Variants in SLC5A7 observed in about 807,000 individuals in gnomAD.
SLC5A7 encodes solute carrier family 5 member 7.
A neutral mutation model predicts 55.4 loss-of-function variants in SLC5A7; 19 were observed. That is an observed-to-expected ratio of 0.34 (90% confidence interval 0.24 to 0.50). The LOEUF (loss-of-function observed/expected upper bound fraction) is 0.50, where lower values mean the gene tolerates loss of function less well. Ranked by LOEUF, SLC5A7 falls within the 20% of genes least tolerant of loss-of-function variation. The pLI, the probability that SLC5A7 is intolerant of heterozygous loss-of-function variation, is 0.98. For missense variants in SLC5A7, 506 were observed against 705.3 expected, an observed-to-expected ratio of 0.72 and a Z score of 3.20; for synonymous variants, 265 against 263.7, an observed-to-expected ratio of 1.00 and a Z score of -0.05.
intron 8 of SLC5A7, among the ~76,000 whole-genome samples, chr2:108,009,654 T>C (rs1452478132): frequency 6.6e-6 from 1 of 152,228 alleles, no homozygotes; most frequent in Non-Finnish European, 1.5e-5. Flanking sequence ...TTCCTTTTTA[T>C]GGCCACATAG....
intron 6 of SLC5A7, 25 bp downstream of exon 6, chr2:108,002,065 ATG>A (rs779619006): frequency 1.0e-4 from 165 of 1,588,476 alleles, no homozygotes; most frequent in Non-Finnish European, 1.4e-4. Flanking sequence ...TACCTGAAGA[ATG>A]TGATTTAATT....
chr2:107,995,134 C>T (rs539083596), intron 4 of SLC5A7, among the ~76,000 whole-genome samples: 1 of 152,222 alleles, frequency 6.6e-6, no homozygotes, highest in South Asian at 2.1e-4. Context: ...GTTGGTAGCG[C>T]CTACTACACA....
intron 2 of SLC5A7, among the ~76,000 whole-genome samples, chr2:107,990,875 C>T (rs908216320): frequency 6.6e-6 from 1 of 152,120 alleles, no homozygotes; most frequent in African/African-American, 2.4e-5. Flanking sequence ...GAAAATTCAT[C>T]AGAGTTAAAT....
rs1439652757 is a variant in SLC5A7 at position 107,986,737 on chromosome 2, C to A, written c.-78C>A. The A allele has an allele frequency of 6.6e-6, 1 of 152,520 alleles. No homozygotes were observed. The highest frequency in any genetic ancestry group is 1.5e-5 in the Non-Finnish European group (1 of 68,336). The allele number at this position is 152,520 out of a possible 1,614,324, so 9.4% of individuals were successfully genotyped here. On this transcript the variant is annotated 5_prime_UTR_variant, in exon 1 of 9. Coordinates refer to ENST00000264047, the MANE Select transcript of SLC5A7 (RefSeq NM_021815.5). Reference sequence around the variant, plus strand: ...CAGGGGGCGGCGGCCCCGGGCGGAGCGCTTTCGCGTGCAGCCACCACTCCA... The same window carrying A: ...CAGGGGGCGGCGGCCCCGGGCGGAGAGCTTTCGCGTGCAGCCACCACTCCA...
chr2:108,001,478 C>G (rs371487100), intron 5 of SLC5A7, among the ~76,000 whole-genome samples: 1 of 151,636 alleles, frequency 6.6e-6, no homozygotes, highest in African/African-American at 2.4e-5. Flanking sequence ...TCGAGACCAT[C>G]CCGGCTATAA....
chr2:108,000,136 C>T (rs1221112088), intron 5 of SLC5A7, among the ~76,000 whole-genome samples: 1 of 152,166 alleles, frequency 6.6e-6, no homozygotes, highest in African/African-American at 2.4e-5. Context: ...AAGCCTGTCA[C>T]CAACAGATGT....
intron 5 of SLC5A7, among the ~76,000 whole-genome samples, chr2:108,000,850 C>T (rs1677860972): frequency 6.6e-6 from 1 of 152,038 alleles, no homozygotes; most frequent in Admixed American, 6.6e-5. Flanking sequence ...CCAGTTAGGC[C>T]TCCCAAAGTC....
At position 107,992,612 on chromosome 2, in the gene SLC5A7, T is replaced by G. The variant is rs1281378720; in HGVS notation, c.293-360T>G. On this transcript the variant is annotated intron_variant, in intron 3 of 8. Transcript: ENST00000264047. ...TATATAACAGAAGGTACCTCATTTT[T>G]GGGGCACTCAAAAGGCTTTTATTGA... Among the ~76,000 whole-genome samples, 9 of 152,302 alleles carry G rather than the reference T, an allele frequency of 5.9e-5. No homozygotes were observed. In the East Asian group the frequency reaches 7.7e-4, roughly 13 times the overall value.
intron 5 of SLC5A7, 95 bp downstream of exon 5, chr2:107,998,081 C>G: frequency 7.9e-7 from 1 of 1,258,796 alleles, no homozygotes; most frequent in Non-Finnish European, 1.1e-6. Flanking sequence ...ATATTATTTT[C>G]CCTCATGAGT....
chr2:107,991,616 C>T (rs534711570), intron 2 of SLC5A7, among the ~76,000 whole-genome samples: 5 of 152,130 alleles, frequency 3.3e-5, no homozygotes, highest in East Asian at 1.9e-4. Context: ...CACACATGTA[C>T]GTACACATGC....
chr2:108,005,037 A>G (rs1678050713), intron 6 of SLC5A7, among the ~76,000 whole-genome samples: 1 of 152,248 alleles, frequency 6.6e-6, no homozygotes, highest in Admixed American at 6.5e-5. Context: ...ATAGGTATGT[A>G]TATCTATCAG....
rs546950782 is a variant in SLC5A7 at position 108,012,683 on chromosome 2, T to G, written c.*1822T>G. 1.3e-5 allele frequency: 2 copies of G among 152,160 alleles called. No homozygotes were observed. Among genetic ancestry groups the G allele is most frequent in the African/African-American group, 2.4e-5 (1 of 41,450 alleles). The allele number at this position is 152,160 out of a possible 1,614,324, so 9.4% of individuals were successfully genotyped here. A position where few individuals can be genotyped will look rare whatever the true frequency, so the allele number is the denominator to read the frequency against. On this transcript the variant is annotated 3_prime_UTR_variant, in exon 9 of 9. Coordinates refer to ENST00000264047, the MANE Select transcript of SLC5A7 (RefSeq NM_021815.5). Reference sequence around the variant, plus strand: ...GAAAAGAGAATTACTTATATTCATCTATTTTCTCAGAATCTATTCAGTACC... The same window carrying G: ...GAAAAGAGAATTACTTATATTCATCGATTTTCTCAGAATCTATTCAGTACC...
intron 6 of SLC5A7, 136 bp from the exon 7 acceptor site, chr2:108,005,913 G>T: frequency 1.1e-6 from 1 of 952,094 alleles, no homozygotes; most frequent in Non-Finnish European, 1.5e-6. Context: ...GATACTAATT[G>T]ATATTTGTGG....
intron 2 of SLC5A7, among the ~76,000 whole-genome samples, chr2:107,988,809 T>C (rs1677339731): frequency 6.6e-6 from 1 of 152,212 alleles, no homozygotes; most frequent in South Asian, 2.1e-4. Flanking sequence ...ATAAATAAAT[T>C]TGGGGGTGAT....
In SLC5A7 at chr2:108,011,761, G is replaced by T. The variant is rs543464354; in HGVS notation, c.*900G>T. On this transcript the variant is annotated 3_prime_UTR_variant, in exon 9 of 9. Coordinates refer to ENST00000264047, the MANE Select transcript of SLC5A7 (RefSeq NM_021815.5). ...GAAATTAGGCCTTATGTAAGGAGAG[G>T]TAGCTACACAGCATCTGTTACGGTT... The T allele has an allele frequency of 3.7e-4, 56 of 152,138 alleles. No individual in the cohort carries two copies. Among genetic ancestry groups the T allele is most frequent in the African/African-American group, 1.3e-3 (52 of 41,532 alleles). The allele number at this position is 152,138 out of a possible 1,614,324, so 9.4% of individuals were successfully genotyped here. A position where few individuals can be genotyped will look rare whatever the true frequency, so the allele number is the denominator to read the frequency against.
At chr2:108,002,651 C>T (rs1402440734) in intron 6 of SLC5A7, among the ~76,000 whole-genome samples, 1 of 152,072 alleles carries the variant, frequency 6.6e-6, no homozygotes, top group Admixed American at 6.5e-5. Context: ...GAAGAACTGA[C>T]CAGATTTTAC....
At position 108,002,014 on chromosome 2, in the gene SLC5A7, T is replaced by C. The variant is rs1677928979; in HGVS notation, c.715T>C (p.Ser239Pro). 2 of 1,614,182 alleles carry C rather than the reference T, an allele frequency of 1.2e-6. No individual in the cohort carries two copies. The highest frequency in any genetic ancestry group is 1.7e-6 in the Non-Finnish European group (2 of 1,179,998). ...AACTGTTGACTCATCTGAAGTCTAC[T>C]CTTGGCTTGATAGTTTTCTGTTGTT... The part of the protein sequence containing the change: ...LGTVDSSEVY[S>P]WLDSFLLLML... Residue 239 changes from serine to proline, a missense_variant, in exon 6 of 9, where the codon TCT (serine) becomes CCT (proline). Physicochemically the swap from Ser to Pro is moderately conservative, Grantham distance 74. Transcript: ENST00000264047.
chr2:108,010,375 C>T lies in SLC5A7; in HGVS notation c.1257C>T (p.Pro419=), dbSNP rs557717267. The part of the protein sequence containing the change: ...SSDLVYIVIF[P]QLLCVLFVKG... Reference sequence around the variant, plus strand: ...ACCTTGTTTACATCGTTATCTTCCCCCAGCTGCTTTGTGTACTCTTTGTTA... The same window carrying T: ...ACCTTGTTTACATCGTTATCTTCCCTCAGCTGCTTTGTGTACTCTTTGTTA... Residue 419 remains proline (P), a synonymous_variant, in exon 9 of 9, where the codon CCC becomes CCT. Transcript: ENST00000264047. The T allele has an allele frequency of 6.2e-7, 1 of 1,613,960 alleles. No homozygotes were observed. Among genetic ancestry groups the T allele is most frequent in the Admixed American group, 1.7e-5 (1 of 59,962 alleles).
intron 5 of SLC5A7, among the ~76,000 whole-genome samples, chr2:108,001,491 G>T (rs1465302214): frequency 6.6e-6 from 1 of 151,500 alleles, no homozygotes; most frequent in African/African-American, 2.4e-5. Flanking sequence ...GGCTATAACG[G>T]TGAAACCCCG....
Sources: allele counts gnomAD v4.1 joint callset (sites outside exome capture counted in the v4.1 genomes callset), GRCh38; gene constraint gnomAD v4.1.1; transcripts MANE v1.5; gene names NCBI Gene and HGNC (gene_info 2026-07-23, HGNC 2026-07-21).